The following HVCN1 variants were observed in gnomAD, a reference collection of about 807,000 sequenced individuals.
HVCN1 encodes the protein hydrogen voltage gated channel 1.
Under a neutral mutation model 29.2 loss-of-function variants are expected in HVCN1, and 14 were observed. That is an observed-to-expected ratio of 0.48 (90% CI 0.32 to 0.75). The LOEUF is 0.75. HVCN1 is among the 30% of genes least tolerant of loss of function. The pLI, the probability that HVCN1 is intolerant of heterozygous loss-of-function variation, is 0.04. For missense variants in HVCN1, 263 were observed against 341.8 expected (o/e 0.77, Z 1.82); for synonymous variants, 131 against 133.2 (o/e 0.98, Z 0.11).
At chr12:110,674,372 G>C (rs781583602) in intron 3 of HVCN1, among the ~76,000 whole-genome samples, 6 of 152,202 alleles carry the variant, frequency 3.9e-5, no homozygotes, top group Non-Finnish European at 8.8e-5. Flanking sequence ...GTTTGTCTCA[G>C]ATGAGACTTT....
At chr12:110,683,359 GTTAGT>G (rs1296684284) in intron 2 of HVCN1, 95 bp from the exon 3 acceptor site, 13 of 1,437,710 alleles carry the variant, frequency 9.0e-6, no homozygotes, top group Non-Finnish European at 1.2e-5. Context: ...TTAGTTTTAA[GTTAGT>G]TTAGTTTTAA....
chr12:110,687,298 G>A (rs555708847), intron 2 of HVCN1, among the ~76,000 whole-genome samples: 1 of 149,816 alleles, frequency 6.7e-6, no homozygotes, highest in African/African-American at 2.5e-5. Flanking sequence ...CAGCCAGCCA[G>A]AGTAAGGGGC....
At chr12:110,660,684 TCTC>T (rs2068140190) in intron 4 of HVCN1, among the ~76,000 whole-genome samples, 1 of 152,188 alleles carries the variant, frequency 6.6e-6, no homozygotes, top group South Asian at 2.1e-4. Context: ...AACATTTTCA[TCTC>T]CTCAAATGGA....
chr12:110,675,594 TC>T (rs1165300421), intron 3 of HVCN1, among the ~76,000 whole-genome samples: 2 of 152,142 alleles, frequency 1.3e-5, no homozygotes, highest in Admixed American at 1.3e-4. Flanking sequence ...GATTTTTTTT[TC>T]AGCAACAAAA....
At chr12:110,679,277 C>T (rs1566056334) in intron 3 of HVCN1, among the ~76,000 whole-genome samples, 1 of 152,192 alleles carries the variant, frequency 6.6e-6, no homozygotes, top group Admixed American at 6.5e-5. Flanking sequence ...GCACCAAGGG[C>T]CTCTGCATGC....
intron 3 of HVCN1, among the ~76,000 whole-genome samples, chr12:110,663,587 C>CAAA (rs1182792368): frequency 5.8e-4 from 15 of 25,778 alleles, no homozygotes; most frequent in South Asian, 1.6e-3. Flanking sequence ...GACGCTGTCT[C>CAAA]AAAAAAAAAA....
At chr12:110,680,384 C>A (rs1455724733) in intron 3 of HVCN1, among the ~76,000 whole-genome samples, 1 of 152,168 alleles carries the variant, frequency 6.6e-6, no homozygotes, top group East Asian at 1.9e-4. Context: ...GCCACCAACT[C>A]ATTCCTTCAA....
At chr12:110,699,207 T>C (rs531368151) in intron 2 of HVCN1, among the ~76,000 whole-genome samples, 1 of 152,314 alleles carries the variant, frequency 6.6e-6, no homozygotes, top group East Asian at 1.9e-4. Flanking sequence ...TTGCTGGGCT[T>C]TGCTGGGTCT....
intron 3 of HVCN1, among the ~76,000 whole-genome samples, chr12:110,671,656 C>T (rs1481268121): frequency 6.6e-6 from 1 of 152,156 alleles, no homozygotes; most frequent in African/African-American, 2.4e-5. Flanking sequence ...CTGTCTTTCC[C>T]TTTATCTTTC....
chr12:110,657,875 G>A (rs981847948), intron 4 of HVCN1, among the ~76,000 whole-genome samples: 1 of 152,212 alleles, frequency 6.6e-6, no homozygotes, highest in Non-Finnish European at 1.5e-5. Context: ...AGTCCGTGCC[G>A]TGGGGCGGCC....
At position 110,648,827 on chromosome 12, in the gene HVCN1, T is replaced by C; in HGVS notation, c.*583A>G. 7 of 345,354 alleles carry C rather than the reference T, an allele frequency of 2.0e-5. No homozygotes were observed. Among genetic ancestry groups the C allele is most frequent in the South Asian group, 1.6e-4 (7 of 43,238 alleles). The allele number at this position is 345,354 out of a possible 1,614,324, so 21.4% of individuals were successfully genotyped here. A position where few individuals can be genotyped will look rare whatever the true frequency, so the allele number is the denominator to read the frequency against. On this transcript the variant is annotated 3_prime_UTR_variant, in exon 8 of 8. Transcript: ENST00000242607. Reference sequence around the variant, plus strand: ...TTTATACAGTAGTTGTTTTATTTTATACAGTAGTTGTACAGTAATTGAGGA... The same window carrying C: ...TTTATACAGTAGTTGTTTTATTTTACACAGTAGTTGTACAGTAATTGAGGA...
rs2068161024 is a variant in HVCN1 at position 110,661,293 on chromosome 12, G to A, written c.177C>T (p.Pro59=). The A allele has an allele frequency of 6.8e-6, 11 of 1,614,160 alleles. No individual in the cohort carries two copies. The highest frequency in any genetic ancestry group is 9.3e-6 in the Non-Finnish European group (11 of 1,180,026). The change falls in exon 4 of 8, where the codon CCC becomes CCT. Residue 59 remains proline, a synonymous_variant. Transcript: ENST00000242607. The surrounding 1 kb of genome is among the most constrained non-coding windows in gnomAD (Gnocchi z 6.2). ...TGCCTTCCTCGCCTGAGACTGGTGT[G>A]GGTGGTGGCTGCTCCTCCTCCTCCT... ...EEEEEEEQPP[P]TPVSGEEGRA... is the part of the protein sequence containing the mutation.
intron 7 of HVCN1, 69 bp downstream of exon 7, chr12:110,650,099 C>G: frequency 9.6e-7 from 1 of 1,043,562 alleles, no homozygotes; most frequent in Non-Finnish European, 1.5e-6. Flanking sequence ...CCTGCCTTGG[C>G]CTCCCAAAGT....
At chr12:110,701,178 G>A (rs892239199) in intron 2 of HVCN1, among the ~76,000 whole-genome samples, 6 of 152,316 alleles carry the variant, frequency 3.9e-5, no homozygotes, top group South Asian at 4.1e-4. Context: ...TTCCCTCTGC[G>A]CTACGGCCAG....
chr12:110,677,849 G>T lies in HVCN1; in HGVS notation c.21+5376C>A, dbSNP rs376827643. Among the ~76,000 whole-genome samples the T allele has an allele frequency of 2.2e-4, 34 of 152,104 alleles. 1 individual carries two copies. In the South Asian group the frequency reaches 6.4e-3, roughly 29 times the overall value. On this transcript the variant is annotated intron_variant, in intron 3 of 7. Coordinates refer to ENST00000242607, the MANE Select transcript of HVCN1 (RefSeq NM_032369.4). ...CTGAGGGGCTTAACTGGCAGCCCAG[G>T]TTCCCCTAAAGCCATGCTCCCCAAC...
intron 4 of HVCN1, among the ~76,000 whole-genome samples, 193 bp from the exon 5 acceptor site, chr12:110,655,531 A>G (rs1254155071): frequency 6.6e-6 from 1 of 152,190 alleles, no homozygotes; most frequent in African/African-American, 2.4e-5. Flanking sequence ...CCTCTCTGAT[A>G]GAAGCTGCCA....
At position 110,651,304 on chromosome 12, in the gene HVCN1, T is replaced by C. The variant is rs1477174705; in HGVS notation, c.556A>G (p.Ile186Val). 4 of 1,613,784 alleles carry C rather than the reference T, an allele frequency of 2.5e-6. No homozygotes were observed. The highest frequency in any genetic ancestry group is 2.7e-5 in the African/African-American group (2 of 74,858). ...VVVVVSFILD[I>V]VLLFQEHQFE... Reference sequence around the variant, plus strand: ...TGGTGCTCCTGGAACAGGAGGACAATGTCGAGGATGAATGAGACCACCACC... The same window carrying C: ...TGGTGCTCCTGGAACAGGAGGACAACGTCGAGGATGAATGAGACCACCACC... The change falls in exon 6 of 8, where the codon ATT becomes GTT. Residue 186 changes from isoleucine to valine, a missense_variant. Around this residue, in one of 3 missense-constraint regions of HVCN1, gnomAD observed 55 missense variants for 109.4 expected, o/e 0.50. Transcript: ENST00000242607.
intron 5 of HVCN1, among the ~76,000 whole-genome samples, chr12:110,654,440 AAAG>A (rs2067916747): frequency 6.6e-6 from 1 of 151,846 alleles, no homozygotes; most frequent in African/African-American, 2.4e-5. Context: ...TTTTTCCAAA[AAAG>A]GGCATGGCGG....
chr12:110,699,457 G>A (rs1566073060), intron 2 of HVCN1, among the ~76,000 whole-genome samples: 1 of 152,022 alleles, frequency 6.6e-6, no homozygotes, highest in Non-Finnish European at 1.5e-5. Context: ...TCATTCTATG[G>A]GGGCCCCACT....
Sources: allele counts gnomAD v4.1 joint callset (sites outside exome capture counted in the v4.1 genomes callset), GRCh38; gene constraint gnomAD v4.1.1; regional missense constraint gnomAD v4.1.1; non-coding constraint Gnocchi (gnomAD v3.1); transcripts MANE v1.5; gene names NCBI Gene and HGNC (gene_info 2026-07-23, HGNC 2026-07-21).